GALNT7: variants seen among roughly 807,000 people sequenced by gnomAD.
GALNT7 encodes N-acetylgalactosaminyltransferase 7.
GALNT7 carries 60 observed loss-of-function variants against 82.1 expected under a neutral mutation model. The observed-to-expected ratio is 0.73, with a 90% confidence interval of 0.59 to 0.91. GALNT7 has a LOEUF of 0.91. Among genes scored for constraint, GALNT7 ranks in the 40% least tolerant of loss-of-function variants. The pLI, the probability that GALNT7 is intolerant of heterozygous loss-of-function variation, is 0.00. For missense variants in GALNT7, 660 were observed against 804.2 expected, an observed-to-expected ratio of 0.82 and a Z score of 2.17; for synonymous variants, 243 against 275.1, an observed-to-expected ratio of 0.88 and a Z score of 1.15.
At chr4:173,317,803 A>G in intron 10 of GALNT7, 71 bp downstream of exon 10, 1 of 926,646 alleles carries the variant, frequency 1.1e-6, no homozygotes, top group Non-Finnish European at 1.7e-6. Context: ...TCACAGAGTG[A>G]TCTTTGTACT....
intron 1 of GALNT7, among the ~76,000 whole-genome samples, chr4:173,223,279 C>G (rs903862252): frequency 5.9e-5 from 9 of 152,140 alleles, no homozygotes; most frequent in African/African-American, 2.2e-4. Flanking sequence ...TTTTTCACAC[C>G]ATATCCTGCC....
At chr4:173,239,354 A>AT (rs1734341225) in intron 1 of GALNT7, among the ~76,000 whole-genome samples, 1 of 152,142 alleles carries the variant, frequency 6.6e-6, no homozygotes, top group Non-Finnish European at 1.5e-5. Flanking sequence ...GATGTTCTCC[A>AT]TTTACTCATC....
At chr4:173,237,163 C>G (rs1427722183) in intron 1 of GALNT7, among the ~76,000 whole-genome samples, 1 of 152,210 alleles carries the variant, frequency 6.6e-6, no homozygotes, top group African/African-American at 2.4e-5. Context: ...AATGATACAT[C>G]TGCCCTGAAA....
At chr4:173,192,454 A>G (rs1579897031) in intron 1 of GALNT7, among the ~76,000 whole-genome samples, 1 of 152,218 alleles carries the variant, frequency 6.6e-6, no homozygotes, top group East Asian at 1.9e-4. Flanking sequence ...TGCCCTTTGC[A>G]GAACAATTTG....
chr4:173,311,317 A>G (rs1171625636), intron 8 of GALNT7, among the ~76,000 whole-genome samples: 1 of 152,164 alleles, frequency 6.6e-6, no homozygotes, highest in Non-Finnish European at 1.5e-5. Flanking sequence ...TACTGTGTCT[A>G]ATTTCGTATG....
chr4:173,318,374 A>G, intron 10 of GALNT7, 57 bp from the exon 11 acceptor site: 1 of 1,410,662 alleles, frequency 7.1e-7, no homozygotes, highest in South Asian at 1.3e-5. Context: ...TTCTTTTCAA[A>G]TGCACATCAG....
chr4:173,204,969 C>G (rs1325110961), intron 1 of GALNT7, among the ~76,000 whole-genome samples: 1 of 152,208 alleles, frequency 6.6e-6, no homozygotes, highest in Non-Finnish European at 1.5e-5. Context: ...AAGCCTTTCA[C>G]CAGTCAGCTC....
intron 2 of GALNT7, among the ~76,000 whole-genome samples, chr4:173,266,142 C>T (rs1735482170): frequency 1.3e-5 from 2 of 152,156 alleles, no homozygotes; most frequent in African/African-American, 4.8e-5. Flanking sequence ...CGGCCATGAT[C>T]CCAGCTACTT....
At chr4:173,239,528 C>A (rs963005303) in intron 1 of GALNT7, among the ~76,000 whole-genome samples, 1 of 152,136 alleles carries the variant, frequency 6.6e-6, no homozygotes, top group Admixed American at 6.5e-5. Flanking sequence ...TTCACACGTA[C>A]GAAAGCCGAA....
Position 173,277,006 on chromosome 4 carries a change from A to G in GALNT7, c.588-15102A>G, listed in dbSNP as rs576684385. 5.3e-5 allele frequency among the ~76,000 whole-genome samples: 8 copies of G among 152,276 alleles called. No homozygotes were observed. In the East Asian group the frequency reaches 7.7e-4, roughly 15 times the overall value. ...TGACCATAGAGGAAGATCTCCAATAATCTCAAATTTAAAGAGACGATAGAT... is the reference window on the plus strand; with the variant it reads ...TGACCATAGAGGAAGATCTCCAATAGTCTCAAATTTAAAGAGACGATAGAT... On this transcript the variant is annotated intron_variant, in intron 2 of 11. Coordinates refer to ENST00000265000, the MANE Select transcript of GALNT7 (RefSeq NM_017423.3).
chr4:173,304,321 C>T (rs955300316), intron 8 of GALNT7, among the ~76,000 whole-genome samples: 4 of 151,858 alleles, frequency 2.6e-5, no homozygotes, highest in African/African-American at 9.7e-5. Flanking sequence ...ATTCCTTGAG[C>T]CCAGGAGTTC....
chr4:173,198,082 C>T (rs1465929982), intron 1 of GALNT7, among the ~76,000 whole-genome samples: 5 of 151,146 alleles, frequency 3.3e-5, no homozygotes, highest in Non-Finnish European at 5.9e-5. Context: ...TTTTTTGAGA[C>T]GGAGTCTCGC....
chr4:173,321,463 G>T, intron 11 of GALNT7, 117 bp from the exon 12 acceptor site: 2 of 705,864 alleles, frequency 2.8e-6, no homozygotes, highest in Non-Finnish European at 5.0e-6. Context: ...CTGAGGTGTG[G>T]TTGAGAAGCT....
At chr4:173,227,896 A>G (rs986953055) in intron 1 of GALNT7, among the ~76,000 whole-genome samples, 1 of 152,094 alleles carries the variant, frequency 6.6e-6, no homozygotes, top group African/African-American at 2.4e-5. Flanking sequence ...AGTGAAAAAC[A>G]TTGCTAGCTA....
At chr4:173,296,267 G>C (rs1249376715) in intron 5 of GALNT7, among the ~76,000 whole-genome samples, 1 of 152,108 alleles carries the variant, frequency 6.6e-6, no homozygotes, top group Non-Finnish European at 1.5e-5. Context: ...TTGTGTCAAG[G>C]TTTTGGGTTC....
At chr4:173,266,927 G>GTGTGTGTGTGTGTGT (rs1735522163) in intron 2 of GALNT7, among the ~76,000 whole-genome samples, 1 of 146,174 alleles carries the variant, frequency 6.8e-6, no homozygotes, top group East Asian at 2.0e-4. Context: ...GTGTGTGTGT[G>GTGTGTGTGTGTGTGT]GAGGGCTGGG....
At chr4:173,185,208 T>C (rs1437823898) in intron 1 of GALNT7, among the ~76,000 whole-genome samples, 2 of 152,214 alleles carry the variant, frequency 1.3e-5, no homozygotes, top group Admixed American at 6.5e-5. Flanking sequence ...TTGCTTGTTA[T>C]CAGTCAGAAA....
At chr4:173,184,373 G>A (rs920798274) in intron 1 of GALNT7, among the ~76,000 whole-genome samples, 1 of 152,110 alleles carries the variant, frequency 6.6e-6, no homozygotes, top group Non-Finnish European at 1.5e-5. Context: ...GAGGCTGGCA[G>A]ATCACTCGCG....
At chr4:173,282,166 C>G (rs983775963) in intron 2 of GALNT7, among the ~76,000 whole-genome samples, 2 of 152,204 alleles carry the variant, frequency 1.3e-5, no homozygotes, top group African/African-American at 4.8e-5. Flanking sequence ...CTCCCCTTAT[C>G]TTATGCAGCT....
Sources: allele counts gnomAD v4.1 joint callset (sites outside exome capture counted in the v4.1 genomes callset), GRCh38; gene constraint gnomAD v4.1.1; transcripts MANE v1.5; gene names NCBI Gene and HGNC (gene_info 2026-07-23, HGNC 2026-07-21).